Variants in LHPP observed in about 807,000 individuals in gnomAD.
The protein encoded by LHPP is hLHPP.
In LHPP, 24 loss-of-function variants were observed where a neutral mutation model predicts 30.3. The observed-to-expected ratio is 0.79, with a 90% CI of 0.57 to 1.11. LHPP has a LOEUF of 1.11. Among genes scored for constraint, LHPP ranks in the 50% most tolerant of loss-of-function variants. The pLI, the probability that LHPP is intolerant of heterozygous loss-of-function variation, is 0.00. For synonymous variants in LHPP, 150 were observed against 157.1 expected (o/e 0.95, Z 0.34); for missense variants, 356 against 367.2 (o/e 0.97, Z 0.25).
rs1426571776 is a variant in LHPP at position 124,496,083 on chromosome 10, GGA to G, written c.468-877_468-876del. Among the ~76,000 whole-genome samples the G allele has an allele frequency of 7.5e-4, 114 of 152,312 alleles. No individual in the cohort carries two copies. The highest frequency in any genetic ancestry group is 2.2e-4 in the Non-Finnish European group (15 of 68,028). On this transcript the variant is annotated intron_variant, in intron 3 of 6. Coordinates refer to ENST00000368842, the MANE Select transcript of LHPP (RefSeq NM_022126.4). The surrounding 1 kb of genome is among the most constrained non-coding windows in gnomAD (Gnocchi z 4.3). ...AGGAGAGGGAAACTGATGTGATGGTGGATGGCAAAACATTTTAGTGGTTCCAA... is the reference window on the plus strand; with the variant it reads ...AGGAGAGGGAAACTGATGTGATGGTGTGGCAAAACATTTTAGTGGTTCCAA...
chr10:124,592,253 C>T lies in LHPP; in HGVS notation c.717-21011C>T, dbSNP rs1413839730. Among the ~76,000 whole-genome samples, 2 of 152,152 alleles carry T rather than the reference C, an allele frequency of 1.3e-5. No individual in the cohort carries two copies. Among genetic ancestry groups the T allele is most frequent in the Admixed American group, 1.3e-4 (2 of 15,284 alleles). ...ACATCTCTCACCAGGAAGGCAAAAC[C>T]TGGCAGATGGCACCCGGGCCTGATG... On this transcript the variant is annotated intron_variant, in intron 6 of 6. Transcript: ENST00000368842. The surrounding 1 kb of genome is among the most constrained non-coding windows in gnomAD (Gnocchi z 6.2).
Position 124,576,310 on chromosome 10 carries a change from G to T in LHPP, c.717-36954G>T, listed in dbSNP as rs533379720. Among the ~76,000 whole-genome samples the T allele has an allele frequency of 6.6e-6, 1 of 152,238 alleles. No individual in the cohort carries two copies. The highest frequency in any genetic ancestry group is 2.1e-4 in the South Asian group (1 of 4,826). ...GCAGAACATAAAGTACTAGTGTGGG[G>T]TATGAGGCAGCATGTGGGGGCGCTG... is the stretch of plus-strand genomic sequence containing the variant. On this transcript the variant is annotated intron_variant, in intron 6 of 6. Coordinates refer to ENST00000368842, the MANE Select transcript of LHPP (RefSeq NM_022126.4). This position sits in a 1 kb window ranked among gnomAD's most constrained non-coding sequence, Gnocchi z 4.2.
intron 6 of LHPP, among the ~76,000 whole-genome samples, chr10:124,604,473 T>C (rs960351457): frequency 1.3e-5 from 2 of 152,172 alleles, no homozygotes; most frequent in East Asian, 3.9e-4. Context: ...GACCATCTGA[T>C]AAGCAGCCTT....
intron 6 of LHPP, among the ~76,000 whole-genome samples, chr10:124,575,445 C>T (rs1948645340): frequency 6.6e-6 from 1 of 152,178 alleles, no homozygotes; most frequent in South Asian, 2.1e-4. Context: ...TCTCCAGCTG[C>T]CTGAGGCAGA....
Position 124,590,623 on chromosome 10 carries a change from A to C in LHPP, c.717-22641A>C, listed in dbSNP as rs1948871847. 1.3e-5 allele frequency among the ~76,000 whole-genome samples: 2 copies of C among 151,270 alleles called. No individual in the cohort carries two copies. Among genetic ancestry groups the C allele is most frequent in the East Asian group, 1.9e-4 (1 of 5,142 alleles). ...ACTGTGTTGGTCCTGTCTGCCCAGG[A>C]CTCTCCCCACCCGCACAGTGTACCT... is the stretch of plus-strand genomic sequence containing the variant. On this transcript the variant is annotated intron_variant, in intron 6 of 6. Transcript: ENST00000368842. The surrounding 1 kb of genome is among the most constrained non-coding windows in gnomAD (Gnocchi z 4.3).
chr10:124,578,974 G>A (rs1479669726), intron 6 of LHPP, among the ~76,000 whole-genome samples: 1 of 152,052 alleles, frequency 6.6e-6, no homozygotes, highest in Admixed American at 6.5e-5. Flanking sequence ...GGGGGGGTCC[G>A]CTGTGTAAGC....
chr10:124,608,924 G>C (rs1357364968), intron 6 of LHPP, among the ~76,000 whole-genome samples: 1 of 152,206 alleles, frequency 6.6e-6, no homozygotes, highest in Non-Finnish European at 1.5e-5. Flanking sequence ...GGCAGCCCCA[G>C]GAAGACAGGG....
chr10:124,534,937 CTG>C (rs1954985790), intron 6 of LHPP, among the ~76,000 whole-genome samples: 2 of 152,244 alleles, frequency 1.3e-5, no homozygotes, highest in Non-Finnish European at 2.9e-5. Flanking sequence ...TGGACTCCAT[CTG>C]AAAGATTTCG....
chr10:124,564,355 T>C (rs1024949502), intron 6 of LHPP, among the ~76,000 whole-genome samples: 3 of 152,052 alleles, frequency 2.0e-5, no homozygotes, highest in Non-Finnish European at 4.4e-5. Flanking sequence ...AATCTCCTGA[T>C]CTCGTGATCT....
chr10:124,518,434 C>T (rs887855682), intron 6 of LHPP, among the ~76,000 whole-genome samples: 1 of 152,244 alleles, frequency 6.6e-6, no homozygotes, highest in Admixed American at 6.5e-5. Context: ...TGCTGCTGCT[C>T]CCAGGCGAGG....
intron 5 of LHPP, among the ~76,000 whole-genome samples, chr10:124,515,132 GTA>G (rs1363398178): frequency 1.3e-5 from 2 of 152,168 alleles, no homozygotes; most frequent in Non-Finnish European, 2.9e-5. Context: ...CTAATTGCGT[GTA>G]CATCAGGCCG....
At chr10:124,521,099 T>TA (rs1954599903) in intron 6 of LHPP, among the ~76,000 whole-genome samples, 1 of 152,080 alleles carries the variant, frequency 6.6e-6, no homozygotes, top group Non-Finnish European at 1.5e-5. Context: ...GGTACACAGA[T>TA]ACACTGAAAT....
intron 6 of LHPP, among the ~76,000 whole-genome samples, chr10:124,550,001 T>C (rs1189905803): frequency 6.6e-6 from 1 of 150,378 alleles, no homozygotes; most frequent in Non-Finnish European, 1.5e-5. Flanking sequence ...GTGGCACAGG[T>C]GTCCTGACCT....
chr10:124,472,498 TATATG>T (rs1382889223), intron 1 of LHPP, among the ~76,000 whole-genome samples: 1 of 152,194 alleles, frequency 6.6e-6, no homozygotes, highest in East Asian at 1.9e-4. Flanking sequence ...GACATTAGTT[TATATG>T]ATATGAGTGC....
chr10:124,508,477 G>A (rs746608356), intron 5 of LHPP, among the ~76,000 whole-genome samples: 3 of 152,178 alleles, frequency 2.0e-5, no homozygotes, highest in Non-Finnish European at 4.4e-5. Context: ...TGAAACTGAC[G>A]GGAGTTGCAG....
chr10:124,601,635 A>G (rs1413757434), intron 6 of LHPP, among the ~76,000 whole-genome samples: 1 of 152,240 alleles, frequency 6.6e-6, no homozygotes, highest in Admixed American at 6.5e-5. Flanking sequence ...CGCAGGAAAT[A>G]GCTGGCGCCA....
intron 3 of LHPP, among the ~76,000 whole-genome samples, chr10:124,491,625 A>T (rs989363490): frequency 6.6e-6 from 1 of 152,200 alleles, no homozygotes; most frequent in East Asian, 1.9e-4. Context: ...CTTTTTGCCC[A>T]CACAAGCCTT....
chr10:124,585,601 C>T (rs187403945), intron 6 of LHPP, among the ~76,000 whole-genome samples: 137 of 147,338 alleles, frequency 9.3e-4, no homozygotes, highest in Admixed American at 1.2e-3. Context: ...GGCGACAGAA[C>T]GAGACTCTAT....
chr10:124,537,824 A>G (rs1240306978), intron 6 of LHPP, among the ~76,000 whole-genome samples: 1 of 152,238 alleles, frequency 6.6e-6, no homozygotes, highest in African/African-American at 2.4e-5. Context: ...CATGGACACA[A>G]GCTGCTGGCT....
Sources: allele counts gnomAD v4.1 joint callset (sites outside exome capture counted in the v4.1 genomes callset), GRCh38; gene constraint gnomAD v4.1.1; non-coding constraint Gnocchi (gnomAD v3.1); transcripts MANE v1.5; gene names NCBI Gene and HGNC (gene_info 2026-07-23, HGNC 2026-07-21).